Variants in ADAMTS12 observed in about 807,000 individuals in gnomAD.
ADAMTS12 encodes A disintegrin and metalloproteinase with thrombospondin motifs 12.
Under a neutral mutation model 167.8 loss-of-function variants are expected in ADAMTS12, and 118 were observed. The ratio of observed to expected loss-of-function variants is 0.70; its 90% CI spans 0.61 to 0.82. The LOEUF (loss-of-function observed/expected upper bound fraction) is 0.82. Ranked by LOEUF, ADAMTS12 falls within the 40% of genes least tolerant of loss-of-function variation. The pLI is 0.00. For missense variants in ADAMTS12, 1,916 were observed against 1,998.8 expected, an observed-to-expected ratio of 0.96 and a Z score of 0.79; for synonymous variants, 704 against 716.9, an observed-to-expected ratio of 0.98 and a Z score of 0.29.
intron 5 of ADAMTS12, among the ~76,000 whole-genome samples, chr5:33,673,834 C>T (rs966632395): frequency 6.6e-6 from 1 of 151,958 alleles, no homozygotes; most frequent in African/African-American, 2.4e-5. Flanking sequence ...TCAAGATGTT[C>T]CCTCTTCCTA....
At chr5:33,800,066 G>A (rs1171652694) in intron 2 of ADAMTS12, among the ~76,000 whole-genome samples, 1 of 152,162 alleles carries the variant, frequency 6.6e-6, no homozygotes, top group East Asian at 1.9e-4. Flanking sequence ...TTAAGCCAAA[G>A]GGGATACCAA....
intron 2 of ADAMTS12, among the ~76,000 whole-genome samples, chr5:33,862,091 C>T (rs1244104245): frequency 1.3e-5 from 2 of 151,830 alleles, no homozygotes; most frequent in South Asian, 2.1e-4. Flanking sequence ...GATCCAAAAT[C>T]GACACACTAA....
At chr5:33,798,344 C>T (rs139197997) in intron 2 of ADAMTS12, among the ~76,000 whole-genome samples, 2 of 151,964 alleles carry the variant, frequency 1.3e-5, no homozygotes, top group East Asian at 1.9e-4. Flanking sequence ...TTGGTTTCTC[C>T]CAAGAACCCT....
At chr5:33,631,349 A>C (rs1008131337) in intron 12 of ADAMTS12, among the ~76,000 whole-genome samples, 1 of 152,148 alleles carries the variant, frequency 6.6e-6, no homozygotes, top group Non-Finnish European at 1.5e-5. Context: ...TCCAGGGGAC[A>C]GGCATCCCCT....
intron 3 of ADAMTS12, among the ~76,000 whole-genome samples, chr5:33,690,918 G>C (rs769756703): frequency 6.6e-6 from 1 of 152,088 alleles, no homozygotes; most frequent in African/African-American, 2.4e-5. Flanking sequence ...GGCTGCTGGG[G>C]GCAGAAGTAA....
chr5:33,849,295 A>T (rs189725068), intron 2 of ADAMTS12, among the ~76,000 whole-genome samples: 35 of 107,764 alleles, frequency 3.2e-4, no homozygotes, highest in African/African-American at 5.9e-4. Context: ...ATTGCATAGC[A>T]ATATATATAT....
intron 2 of ADAMTS12, among the ~76,000 whole-genome samples, chr5:33,829,845 A>G (rs974420949): frequency 6.6e-5 from 10 of 152,264 alleles, no homozygotes; most frequent in African/African-American, 1.7e-4. Context: ...CAAAGAATTC[A>G]CCCGCTTCAT....
chr5:33,677,917 C>T (rs1303077775), intron 5 of ADAMTS12, among the ~76,000 whole-genome samples: 1 of 152,122 alleles, frequency 6.6e-6, no homozygotes, highest in East Asian at 1.9e-4. Context: ...TGTGATGAAA[C>T]CCCATAGTGG....
At chr5:33,638,734 C>T (rs982494621) in intron 11 of ADAMTS12, among the ~76,000 whole-genome samples, 1 of 152,110 alleles carries the variant, frequency 6.6e-6, no homozygotes, top group African/African-American at 2.4e-5. Flanking sequence ...CTCTGTGGTG[C>T]CTCACAGTAC....
intron 5 of ADAMTS12, among the ~76,000 whole-genome samples, chr5:33,671,654 T>C (rs962490318): frequency 1.3e-5 from 2 of 152,104 alleles, no homozygotes; most frequent in African/African-American, 4.8e-5. Context: ...AGGGAACCTG[T>C]AGTCTTTCAG....
At chr5:33,537,453 T>C (rs1311852701) in intron 22 of ADAMTS12, among the ~76,000 whole-genome samples, 1 of 152,224 alleles carries the variant, frequency 6.6e-6, no homozygotes, top group East Asian at 1.9e-4. Context: ...GAGACCAAAA[T>C]AGTTTAAAAT....
intron 5 of ADAMTS12, among the ~76,000 whole-genome samples, chr5:33,670,155 A>AAC (rs1741619983): frequency 1.1e-4 from 1 of 8,934 alleles, no homozygotes; most frequent in Non-Finnish European, 1.7e-3. Context: ...AACACTCAAC[A>AAC]ATAAAAAAAA....
intron 19 of ADAMTS12, among the ~76,000 whole-genome samples, chr5:33,564,493 G>T (rs1745911750): frequency 6.6e-6 from 1 of 152,212 alleles, no homozygotes; most frequent in Non-Finnish European, 1.5e-5. Context: ...TTATGAGCAG[G>T]AGTTTGGAAT....
chr5:33,631,691 G>T (rs1295924969), intron 12 of ADAMTS12, among the ~76,000 whole-genome samples: 1 of 152,166 alleles, frequency 6.6e-6, no homozygotes, highest in East Asian at 1.9e-4. Context: ...ATCACAGATT[G>T]CCTTAAAAAT....
At chr5:33,884,209 T>G (rs1342494637) in intron 1 of ADAMTS12, among the ~76,000 whole-genome samples, 1 of 152,226 alleles carries the variant, frequency 6.6e-6, no homozygotes, top group Non-Finnish European at 1.5e-5. Context: ...CTCCTCCAGC[T>G]GGCTGCCCAC....
chr5:33,527,565 C>G (rs1743883540), intron 23 of ADAMTS12, among the ~76,000 whole-genome samples, 199 bp from the exon 24 acceptor site: 1 of 152,170 alleles, frequency 6.6e-6, no homozygotes, highest in Non-Finnish European at 1.5e-5. Context: ...AATTATCAGT[C>G]ACAATTCTTC....
At position 33,649,717 on chromosome 5, in the gene ADAMTS12, C is replaced by T. The variant is rs750396044; in HGVS notation, c.1191-20G>A. ...CCGAAGCTGGCAGGGAAGAACCAAGCACAAGAAGAGCCAGCAGGCAGGCAT... is the reference window on the plus strand; with the variant it reads ...CCGAAGCTGGCAGGGAAGAACCAAGTACAAGAAGAGCCAGCAGGCAGGCAT... On this transcript the variant is annotated intron_variant, in intron 7 of 23. Transcript: ENST00000504830. 6.2e-7 allele frequency: 1 copy of T among 1,612,058 alleles called. No individual in the cohort carries two copies. Among genetic ancestry groups the T allele is most frequent in the Admixed American group, 1.7e-5 (1 of 59,918 alleles).
intron 20 of ADAMTS12, among the ~76,000 whole-genome samples, chr5:33,554,966 C>CA (rs927889185): frequency 6.6e-5 from 10 of 150,398 alleles, no homozygotes; most frequent in East Asian, 3.9e-4. Context: ...CAGATTATTA[C>CA]AAAAAAAAAG....
rs559985679 is a variant in ADAMTS12 at position 33,848,980 on chromosome 5, A to C, written c.489+32139T>G. On this transcript the variant is annotated intron_variant, in intron 2 of 23. Transcript: ENST00000504830. The stretch of plus-strand genomic sequence containing the variant: ...CATCTATATATATGTATTGCATAGC[A>C]ATATATATATATGTATTGCATAGCA... 6.7e-5 allele frequency among the ~76,000 whole-genome samples: 10 copies of C among 149,680 alleles called. No individual in the cohort carries two copies. In the South Asian group the frequency reaches 2.1e-3, roughly 32 times the overall value.
Sources: gnomAD v4.1 joint callset for allele counts (sites outside exome capture counted in the v4.1 genomes callset) on GRCh38, gnomAD v4.1.1 for gene constraint, MANE v1.5 for transcripts, NCBI Gene and HGNC (gene_info 2026-07-23, HGNC 2026-07-21) for gene names.